MAPKBP1: variants seen among roughly 807,000 people sequenced by gnomAD.
MAPKBP1 encodes the protein mitogen-activated protein kinase binding protein 1.
A neutral mutation model predicts 170.5 loss-of-function variants in MAPKBP1; 71 were observed. That is an observed-to-expected ratio of 0.42 (90% CI 0.34 to 0.51). The LOEUF (loss-of-function observed/expected upper bound fraction) is 0.51, where lower values mean the gene tolerates loss of function less well. Ranked by LOEUF, MAPKBP1 falls within the 20% of genes least tolerant of loss-of-function variation. MAPKBP1 has a pLI of 0.06. For synonymous variants in MAPKBP1, 719 were observed against 757.9 expected (o/e 0.95, Z 0.84); for missense variants, 1,598 against 1,933.0 (o/e 0.83, Z 3.25).
At chr15:41,807,987 C>T (rs2064729127) in intron 3 of MAPKBP1, among the ~76,000 whole-genome samples, 1 of 149,674 alleles carries the variant, frequency 6.7e-6, no homozygotes, top group Non-Finnish European at 1.5e-5. Flanking sequence ...TGCAGTGAGC[C>T]GAGATCACGC....
chr15:41,805,792 A>G (rs753035727), intron 3 of MAPKBP1, among the ~76,000 whole-genome samples: 7 of 152,216 alleles, frequency 4.6e-5, no homozygotes, highest in Non-Finnish European at 8.8e-5. Flanking sequence ...CGCCAGGGAC[A>G]GTAGAGAGAC....
chr15:41,781,525 C>G (rs953027390), intron 2 of MAPKBP1, among the ~76,000 whole-genome samples: 1 of 151,706 alleles, frequency 6.6e-6, no homozygotes, highest in Admixed American at 6.6e-5. Flanking sequence ...CACCTATAGC[C>G]CCAGCATCTT....
At position 41,823,688 on chromosome 15, in the gene MAPKBP1, C is replaced by A; in HGVS notation, c.3840C>A (p.Ser1280Arg). 6.2e-7 allele frequency: 1 copy of A among 1,614,210 alleles called. No individual in the cohort carries two copies. Among genetic ancestry groups the A allele is most frequent in the Non-Finnish European group, 8.5e-7 (1 of 1,180,034 alleles). Residue 1280 changes from serine (S) to arginine (R), a missense_variant, in exon 29 of 31, where the codon AGC (serine) becomes AGA (arginine). Ser to Arg is a moderately radical substitution (Grantham distance 110). This residue lies in a region of MAPKBP1 where 942 missense variants were observed against 953.2 expected (regional missense o/e 0.99). Transcript: ENST00000457542. The stretch of plus-strand genomic sequence containing the variant: ...CCCCCATCCGAGTCTCACCACTCAG[C>A]AAGCTGGCCCTGCCCAGCCGGGCTC... ...AHAPIRVSPL[S>R]KLALPSRAHL...
chr15:41,796,740 G>C (rs941729627), intron 2 of MAPKBP1, among the ~76,000 whole-genome samples: 4 of 152,142 alleles, frequency 2.6e-5, no homozygotes, highest in Non-Finnish European at 5.9e-5. Context: ...TTCCACTGCT[G>C]AGAGTCCTAG....
intron 13 of MAPKBP1, 112 bp from the exon 14 acceptor site, chr15:41,816,798 A>G (rs1596092022): frequency 1.1e-5 from 16 of 1,505,654 alleles, no homozygotes; most frequent in Middle Eastern, 1.8e-4. Flanking sequence ...TCCTTGCTCC[A>G]TGGTTCACAT....
At chr15:41,791,443 C>G (rs1326017246) in intron 2 of MAPKBP1, among the ~76,000 whole-genome samples, 1 of 152,200 alleles carries the variant, frequency 6.6e-6, no homozygotes, top group Admixed American at 6.5e-5. Flanking sequence ...CTGCCAACTT[C>G]TGTTGTGGGT....
At position 41,816,998 on chromosome 15, in the gene MAPKBP1, C is replaced by G; in HGVS notation, c.1674C>G (p.Asp558Glu). ...GREYSLQQTL[D>E]EHSSSITAVK... ...AGTACAGCCTACAGCAGACGCTGGA[C>G]GAACACTCATCCTCCATCACTGCTG... Residue 558 changes from aspartate to glutamate, a missense_variant, in exon 14 of 31, where the codon GAC (aspartate) becomes GAG (glutamate). Transcript: ENST00000457542. 2.5e-6 allele frequency: 4 copies of G among 1,609,338 alleles called. No homozygotes were observed. The highest frequency in any genetic ancestry group is 3.4e-6 in the Non-Finnish European group (4 of 1,176,660).
chr15:41,789,058 C>T (rs1201143510), intron 2 of MAPKBP1, among the ~76,000 whole-genome samples: 1 of 152,196 alleles, frequency 6.6e-6, no homozygotes, highest in Non-Finnish European at 1.5e-5. Context: ...TGTAGGGGCA[C>T]TGAGAGCCCT....
At position 41,823,554 on chromosome 15, in the gene MAPKBP1, T is replaced by C. The variant is rs749422199; in HGVS notation, c.3706T>C (p.Ser1236Pro). 1 of 1,614,126 alleles carries C rather than the reference T, an allele frequency of 6.2e-7. No individual in the cohort carries two copies. Among genetic ancestry groups the C allele is most frequent in the South Asian group, 1.1e-5 (1 of 91,088 alleles). The change falls in exon 29 of 31, where the codon TCT becomes CCT. Residue 1236 changes from serine to proline, a missense_variant. Ser to Pro is a moderately conservative substitution (Grantham distance 74, BLOSUM62 -1). Around this residue, in one of 6 missense-constraint regions of MAPKBP1, gnomAD observed 942 missense variants for 953.2 expected, o/e 0.99. Coordinates refer to ENST00000457542, the MANE Select transcript of MAPKBP1 (RefSeq NM_014994.3). ...GSLPPADGRP[S>P]RPHSYQNPTT... ...CCTGCCCCCAGCTGATGGCCGTCCGTCTCGGCCTCACTCCTATCAGAACCC... is the reference window on the plus strand; with the variant it reads ...CCTGCCCCCAGCTGATGGCCGTCCGCCTCGGCCTCACTCCTATCAGAACCC...
chr15:41,792,932 G>A (rs1254489906), intron 2 of MAPKBP1, among the ~76,000 whole-genome samples: 1 of 152,054 alleles, frequency 6.6e-6, no homozygotes, highest in Non-Finnish European at 1.5e-5. Context: ...CTCAGAGTGT[G>A]GTCTGAGAAG....
chr15:41,818,520 G>C lies in MAPKBP1; in HGVS notation c.2094G>C (p.Glu698Asp). 6.2e-7 allele frequency: 1 copy of C among 1,612,776 alleles called. No individual in the cohort carries two copies. Among genetic ancestry groups the C allele is most frequent in the Non-Finnish European group, 8.5e-7 (1 of 1,179,328 alleles). ...GACCGTATTCTTTGTTCTTCACAGA[G>C]ATTGTCACTGGCATGAAATTTAGTA... ...ECVATMFGHS[E>D]IVTGMKFSND... is the part of the protein sequence containing the mutation. Residue 698 changes from glutamate (E) to aspartate (D), a missense_variant and splice_region_variant, in exon 19 of 31, where the codon GAG becomes GAC. Glu to Asp is a conservative substitution (Grantham distance 45, BLOSUM62 2). This residue lies in a region of MAPKBP1 where 63 missense variants were observed against 115.2 expected (regional missense o/e 0.55). Coordinates refer to ENST00000457542, the MANE Select transcript of MAPKBP1 (RefSeq NM_014994.3). This position sits in a 1 kb window ranked among gnomAD's most constrained non-coding sequence, Gnocchi z 5.2.
In MAPKBP1 at chr15:41,821,103, C is replaced by T. The variant is rs1200458981; in HGVS notation, c.2718+35C>T. 6.2e-6 allele frequency: 10 copies of T among 1,600,122 alleles called. No individual in the cohort carries two copies. In the East Asian group the frequency reaches 1.3e-4, roughly 21 times the overall value. On this transcript the variant is annotated intron_variant, in intron 23 of 30. Coordinates refer to ENST00000457542, the MANE Select transcript of MAPKBP1 (RefSeq NM_014994.3). ...CTTTCTCCCAGCTCTCTAGAGAGTT[C>T]CAAGGGGCCTTAGGCAGCCTTTGCC...
intron 22 of MAPKBP1, 106 bp downstream of exon 22, chr15:41,819,756 CCA>C (rs2064963167): frequency 6.1e-6 from 7 of 1,151,646 alleles, no homozygotes; most frequent in Admixed American, 4.3e-5. Flanking sequence ...TGGGGTCTGC[CCA>C]CATGCTGCAC....
At chr15:41,776,232 C>A (rs887506437) in intron 2 of MAPKBP1, among the ~76,000 whole-genome samples, 1 of 152,128 alleles carries the variant, frequency 6.6e-6, no homozygotes, top group Non-Finnish European at 1.5e-5. Flanking sequence ...GCCTGTAAAC[C>A]CAATAGGGTT....
At chr15:41,816,421 C>G in intron 12 of MAPKBP1, 138 bp from the exon 13 acceptor site, 1 of 613,492 alleles carries the variant, frequency 1.6e-6, no homozygotes. Flanking sequence ...TAGACGCTCT[C>G]TGTTCTTTCA....
chr15:41,822,801 C>A, intron 27 of MAPKBP1, 124 bp downstream of exon 27: 1 of 1,453,984 alleles, frequency 6.9e-7, no homozygotes, highest in Non-Finnish European at 9.5e-7. Flanking sequence ...CAGTTTTGGG[C>A]TAACTGGCCT....
rs770951521 is a variant in MAPKBP1, at chr15:41,822,273, T to C, written c.3080T>C (p.Leu1027Pro). 1 of 1,613,998 alleles carries C rather than the reference T, an allele frequency of 6.2e-7. No homozygotes were observed. Among genetic ancestry groups the C allele is most frequent in the East Asian group, 2.2e-5 (1 of 44,874 alleles). The change falls in exon 26 of 31, where the codon CTT becomes CCT. Residue 1027 changes from leucine to proline, a missense_variant. Coordinates refer to ENST00000457542, the MANE Select transcript of MAPKBP1 (RefSeq NM_014994.3). ...PLSVDGISSD[L>P]EEPAEGDEEE... Reference sequence around the variant, plus strand: ...AGTGTGGATGGCATCTCCTCAGACCTTGAAGAGCCAGCTGAGGGTGATGAA... The same window carrying C: ...AGTGTGGATGGCATCTCCTCAGACCCTGAAGAGCCAGCTGAGGGTGATGAA...
chr15:41,823,207 A>G lies in MAPKBP1; in HGVS notation c.3583A>G (p.Ser1195Gly). The G allele has an allele frequency of 6.2e-7, 1 of 1,613,248 alleles. No individual in the cohort carries two copies. Among genetic ancestry groups the G allele is most frequent in the Non-Finnish European group, 8.5e-7 (1 of 1,179,756 alleles). ...SGLQKAQSVH[S>G]LVPQERHEAS... ...ACTCCAGAAGGCCCAGTCTGTGCAC[A>G]GTCTGGTGCCACAGGGTGAGAAGCC... Residue 1195 changes from serine (S) to glycine (G), a missense_variant, in exon 28 of 31, where the codon AGT (serine) becomes GGT (glycine). Coordinates refer to ENST00000457542, the MANE Select transcript of MAPKBP1 (RefSeq NM_014994.3).
intron 20 of MAPKBP1, 108 bp downstream of exon 20, chr15:41,819,065 C>A: frequency 6.6e-7 from 1 of 1,524,272 alleles, no homozygotes; most frequent in Non-Finnish European, 8.9e-7. Context: ...CTCTGTCTCC[C>A]AAGACCTTAC....
Sources: allele counts gnomAD v4.1 joint callset (sites outside exome capture counted in the v4.1 genomes callset), GRCh38; gene constraint gnomAD v4.1.1; regional missense constraint gnomAD v4.1.1; non-coding constraint Gnocchi (gnomAD v3.1); transcripts MANE v1.5; gene names NCBI Gene and HGNC (gene_info 2026-07-23, HGNC 2026-07-21).